NRXN3: variants seen among roughly 807,000 people sequenced by gnomAD.
The protein encoded by NRXN3 is neurexin 3.
Under a neutral mutation model 137.6 loss-of-function variants are expected in NRXN3, and 32 were observed. That is an observed-to-expected ratio of 0.23 (90% CI 0.18 to 0.31). NRXN3 has a LOEUF of 0.31. NRXN3 is among the 10% of genes least tolerant of loss of function. NRXN3 has a pLI of 1.00. For missense variants in NRXN3, 1,574 were observed against 2,062.5 expected (o/e 0.76, Z 4.59); for synonymous variants, 798 against 784.5 (o/e 1.02, Z -0.29).
At chr14:79,468,186 A>C (rs2096455279) in intron 16 of NRXN3, among the ~76,000 whole-genome samples, 1 of 152,264 alleles carries the variant, frequency 6.6e-6, no homozygotes, top group Admixed American at 6.5e-5. Context: ...GTAGATCATA[A>C]GAACACAGCA....
At chr14:78,333,862 CAG>C (rs1481610170) in intron 4 of NRXN3, among the ~76,000 whole-genome samples, 1 of 152,090 alleles carries the variant, frequency 6.6e-6, no homozygotes, top group African/African-American at 2.4e-5. Context: ...CTGGCTGCAG[CAG>C]GGCCATTTGG....
rs909447064 is a variant in NRXN3 at position 78,829,484 on chromosome 14, T to C, written c.2275+19140T>C. ...TTGAGCTATAGAGAGGATTTCACCA[T>C]AGTCAATGGTCTTCAATTGCTAAAT... On this transcript the variant is annotated intron_variant, in intron 10 of 20. Coordinates refer to ENST00000335750, the MANE Select transcript of NRXN3 (RefSeq NM_001330195.2). 3.9e-5 allele frequency among the ~76,000 whole-genome samples: 6 copies of C among 152,144 alleles called. No individual in the cohort carries two copies. In the East Asian group the frequency reaches 1.2e-3, roughly 29 times the overall value.
At chr14:79,032,081 A>G (rs1179533398) in intron 15 of NRXN3, among the ~76,000 whole-genome samples, 1 of 152,202 alleles carries the variant, frequency 6.6e-6, no homozygotes, top group Admixed American at 6.5e-5. Context: ...CTAGTGCAGG[A>G]TAAATTTCAT....
At chr14:79,304,542 C>T (rs895635037) in intron 15 of NRXN3, among the ~76,000 whole-genome samples, 1 of 152,012 alleles carries the variant, frequency 6.6e-6, no homozygotes, top group African/African-American at 2.4e-5. Flanking sequence ...GAGAACTAAG[C>T]TATTATAAAG....
At chr14:79,427,354 G>T (rs1283753601) in intron 15 of NRXN3, among the ~76,000 whole-genome samples, 1 of 152,066 alleles carries the variant, frequency 6.6e-6, no homozygotes. Flanking sequence ...CGCAAGGTTT[G>T]TCTTTTTATG....
chr14:78,185,999 A>C (rs2060197586), intron 1 of NRXN3, among the ~76,000 whole-genome samples: 1 of 152,130 alleles, frequency 6.6e-6, no homozygotes, highest in Non-Finnish European at 1.5e-5. Flanking sequence ...CTTTGTGGTA[A>C]TAGAACTCCA....
chr14:78,818,426 A>G (rs1357227651), intron 10 of NRXN3, among the ~76,000 whole-genome samples: 1 of 152,172 alleles, frequency 6.6e-6, no homozygotes, highest in Non-Finnish European at 1.5e-5. Context: ...GTACAAGCCT[A>G]AAAATTGTAA....
At chr14:79,772,412 C>T (rs1196821981) in intron 19 of NRXN3, among the ~76,000 whole-genome samples, 2 of 152,120 alleles carry the variant, frequency 1.3e-5, no homozygotes, top group Non-Finnish European at 2.9e-5. Flanking sequence ...CAGCATGGTA[C>T]TGGTACCAAA....
chr14:79,106,348 A>G (rs1458625574), intron 15 of NRXN3, among the ~76,000 whole-genome samples: 2 of 152,104 alleles, frequency 1.3e-5, no homozygotes, highest in Non-Finnish European at 2.9e-5. Context: ...TCTTGATAAT[A>G]TTTCTTTCTT....
At chr14:79,507,370 C>A (rs1254029950) in intron 16 of NRXN3, among the ~76,000 whole-genome samples, 1 of 152,160 alleles carries the variant, frequency 6.6e-6, no homozygotes, top group African/African-American at 2.4e-5. Context: ...ACTCTCTGTA[C>A]TATTTTGCAA....
intron 16 of NRXN3, among the ~76,000 whole-genome samples, chr14:79,485,374 A>T (rs2096646188): frequency 6.6e-6 from 1 of 152,038 alleles, no homozygotes; most frequent in Non-Finnish European, 1.5e-5. Flanking sequence ...ATTTCAGCTA[A>T]ATTTTTTTCT....
At chr14:79,418,755 A>C (rs1245518678) in intron 15 of NRXN3, among the ~76,000 whole-genome samples, 1 of 152,194 alleles carries the variant, frequency 6.6e-6, no homozygotes, top group Non-Finnish European at 1.5e-5. Context: ...AATGCTGGAA[A>C]TGGGGCTGCA....
rs543690760 is a variant in NRXN3 at position 78,542,437 on chromosome 14, A to G, written c.758-102683A>G. On this transcript the variant is annotated intron_variant, in intron 4 of 20. Transcript: ENST00000335750. ...AGCCAGGCTGCCACCTTGCAGTTCAATCTCAGACTGTTGCGCTAGCAGTGA... is the reference window on the plus strand; with the variant it reads ...AGCCAGGCTGCCACCTTGCAGTTCAGTCTCAGACTGTTGCGCTAGCAGTGA... Among the ~76,000 whole-genome samples, 18 of 152,352 alleles carry G rather than the reference A, an allele frequency of 1.2e-4. No homozygotes were observed. In the East Asian group the frequency reaches 2.7e-3, roughly 23 times the overall value.
intron 16 of NRXN3, among the ~76,000 whole-genome samples, chr14:79,620,341 G>T (rs970741264): frequency 6.6e-6 from 1 of 152,148 alleles, no homozygotes; most frequent in African/African-American, 2.4e-5. Context: ...TTGATGTCAA[G>T]TACTTGTCTT....
intron 15 of NRXN3, among the ~76,000 whole-genome samples, chr14:79,120,763 C>T (rs895020772): frequency 3.3e-5 from 5 of 151,996 alleles, no homozygotes; most frequent in Non-Finnish European, 7.4e-5. Context: ...ACTAAAGAAA[C>T]CGTTCCAGCA....
intron 20 of NRXN3, among the ~76,000 whole-genome samples, chr14:79,854,496 T>C (rs1481915726): frequency 6.6e-6 from 1 of 152,240 alleles, no homozygotes; most frequent in African/African-American, 2.4e-5. Context: ...TGTTATGTTT[T>C]GTGCTGAATT....
chr14:78,455,120 G>A (rs1468905001), intron 4 of NRXN3, among the ~76,000 whole-genome samples: 2 of 152,210 alleles, frequency 1.3e-5, no homozygotes, highest in African/African-American at 2.4e-5. Context: ...CTCATAAGAG[G>A]AGCATTGCCG....
intron 4 of NRXN3, among the ~76,000 whole-genome samples, chr14:78,374,655 A>C (rs1476768689): frequency 6.6e-6 from 1 of 151,870 alleles, no homozygotes; most frequent in African/African-American, 2.4e-5. Context: ...CTATAATCCC[A>C]GCTACTGGAG....
chr14:79,675,250 TTATAAA>T (rs1183062330), intron 17 of NRXN3, among the ~76,000 whole-genome samples: 4 of 151,988 alleles, frequency 2.6e-5, no homozygotes, highest in Admixed American at 6.6e-5. Flanking sequence ...CCAACCTATC[TTATAAA>T]TATAAATATA....
Sources: gnomAD v4.1 joint callset for allele counts (sites outside exome capture counted in the v4.1 genomes callset) on GRCh38, gnomAD v4.1.1 for gene constraint, MANE v1.5 for transcripts, NCBI Gene and HGNC (gene_info 2026-07-23, HGNC 2026-07-21) for gene names.